KCNMA1: variants seen among roughly 807,000 people sequenced by gnomAD.
The protein encoded by KCNMA1 is Calcium-activated potassium channel subunit alpha-1.
Under a neutral mutation model 140.0 loss-of-function variants are expected in KCNMA1, and 29 were observed. The ratio of observed to expected loss-of-function variants is 0.21; its 90% CI spans 0.15 to 0.28. The LOEUF (loss-of-function observed/expected upper bound fraction) is 0.28, where lower values mean the gene tolerates loss of function less well. Ranked by LOEUF, KCNMA1 falls within the 10% of genes least tolerant of loss-of-function variation. The pLI is 1.00. For missense variants in KCNMA1, 880 were observed against 1,602.2 expected (o/e 0.55, Z 7.70); for synonymous variants, 612 against 611.9 (o/e 1.00, Z 0.00).
chr10:77,441,760 C>A (rs2097404910), intron 1 of KCNMA1, among the ~76,000 whole-genome samples: 1 of 152,170 alleles, frequency 6.6e-6, no homozygotes, highest in Non-Finnish European at 1.5e-5. Context: ...TAGATGGCCC[C>A]TTCTGATCCT....
chr10:76,929,776 G>A (rs1254969601), intron 23 of KCNMA1, among the ~76,000 whole-genome samples: 3 of 152,190 alleles, frequency 2.0e-5, no homozygotes. Context: ...CCCCAGGTGA[G>A]TGCAATGTGC....
At chr10:77,467,863 G>A (rs1406475724) in intron 1 of KCNMA1, among the ~76,000 whole-genome samples, 1 of 152,156 alleles carries the variant, frequency 6.6e-6, no homozygotes, top group East Asian at 1.9e-4. Context: ...AAAAAATATG[G>A]CATTGATCAT....
chr10:77,609,243 C>T (rs1377451112), intron 1 of KCNMA1, among the ~76,000 whole-genome samples: 1 of 152,218 alleles, frequency 6.6e-6, no homozygotes, highest in African/African-American at 2.4e-5. Flanking sequence ...TACATGTACA[C>T]AGTGGAACAC....
chr10:76,884,204 T>G (rs909403647), downstream of KCNMA1: 4 of 153,284 alleles, frequency 2.6e-5, no homozygotes, highest in Admixed American at 2.6e-4. Flanking sequence ...CAGGAAAGAT[T>G]TGGGTAATAC....
In KCNMA1 at chr10:77,594,165, G is replaced by A. The variant is rs973188846; in HGVS notation, c.378+43100C>T. On this transcript the variant is annotated intron_variant, in intron 1 of 27. Transcript: ENST00000286628. ...ACAATGGTCAAAGTCAAGGTGAGGG[G>A]GCAGCTCCCCCAGAGGTGCCAGGTT... Among the ~76,000 whole-genome samples the A allele has an allele frequency of 3.3e-5, 5 of 152,172 alleles. 1 individual carries two copies. The highest frequency in any genetic ancestry group is 1.2e-4 in the African/African-American group (5 of 41,422).
At chr10:77,464,500 C>G (rs1352912223) in intron 1 of KCNMA1, among the ~76,000 whole-genome samples, 1 of 152,078 alleles carries the variant, frequency 6.6e-6, no homozygotes, top group Non-Finnish European at 1.5e-5. Flanking sequence ...AATGGGGAAG[C>G]AGCGGGTCTG....
chr10:77,136,659 G>T (rs534266201), intron 5 of KCNMA1, among the ~76,000 whole-genome samples: 2 of 151,462 alleles, frequency 1.3e-5, no homozygotes, highest in South Asian at 4.2e-4. Flanking sequence ...AAAACTATAG[G>T]TATGTGTAAA....
At chr10:77,017,319 T>C (rs965064329) in intron 17 of KCNMA1, among the ~76,000 whole-genome samples, 2 of 152,196 alleles carry the variant, frequency 1.3e-5, no homozygotes, top group Admixed American at 6.5e-5. Flanking sequence ...TTTCAAGCTT[T>C]TGTGTCTCAC....
chr10:77,496,596 CAAAA>C (rs201304328), intron 1 of KCNMA1, among the ~76,000 whole-genome samples: 6 of 63,012 alleles, frequency 9.5e-5, no homozygotes, highest in Non-Finnish European at 1.8e-4. Flanking sequence ...GACACTGTCT[CAAAA>C]AAAAAAAAAA....
intron 1 of KCNMA1, among the ~76,000 whole-genome samples, chr10:77,610,234 C>T (rs1315014906): frequency 6.6e-6 from 1 of 152,204 alleles, no homozygotes; most frequent in Non-Finnish European, 1.5e-5. Flanking sequence ...TCTCATGGTG[C>T]CACTGTAAAT....
chr10:77,522,131 T>C (rs2053604306), intron 1 of KCNMA1, among the ~76,000 whole-genome samples: 1 of 151,844 alleles, frequency 6.6e-6, no homozygotes, highest in Admixed American at 6.6e-5. Flanking sequence ...GCCAAGATCA[T>C]GTCACTGCAC....
At chr10:77,340,811 T>C (rs1332527150) in intron 2 of KCNMA1, among the ~76,000 whole-genome samples, 1 of 151,336 alleles carries the variant, frequency 6.6e-6, no homozygotes, top group Non-Finnish European at 1.5e-5. Context: ...TGTATACATA[T>C]GTAACAAACC....
At chr10:77,006,211 C>A (rs1027992232) in intron 18 of KCNMA1, among the ~76,000 whole-genome samples, 1 of 152,102 alleles carries the variant, frequency 6.6e-6, no homozygotes, top group Non-Finnish European at 1.5e-5. Flanking sequence ...GACTGAGGGG[C>A]CCAGGTGGAG....
chr10:77,073,049 G>C, intron 14 of KCNMA1, 48 bp downstream of exon 14: 2 of 1,582,748 alleles, frequency 1.3e-6, no homozygotes, highest in Non-Finnish European at 1.7e-6. Flanking sequence ...TCAACCCCAC[G>C]ACAAATGGAA....
intron 2 of KCNMA1, among the ~76,000 whole-genome samples, chr10:77,261,384 T>C (rs915795730): frequency 2.0e-5 from 3 of 152,236 alleles, no homozygotes; most frequent in African/African-American, 7.2e-5. Context: ...TACAAGCCAA[T>C]TGCCCAATCT....
rs113468646 is a variant in KCNMA1 at position 77,215,866 on chromosome 10, TC to T, written c.603-30951del. On this transcript the variant is annotated intron_variant, in intron 3 of 27. Coordinates refer to ENST00000286628, the MANE Select transcript of KCNMA1 (RefSeq NM_001161352.2). ...TACCAGTGAGCAGTGAGCTTGCCCC[TC>T]CCCCCCACCTGTCTCTCTCTCTCTC... Among the ~76,000 whole-genome samples the T allele has an allele frequency of 1.1e-3, 162 of 145,316 alleles. 1 individual carries two copies. Among genetic ancestry groups the T allele is most frequent in the African/African-American group, 3.8e-3 (148 of 38,842 alleles).
intron 1 of KCNMA1, among the ~76,000 whole-genome samples, chr10:77,443,824 CAGAAA>C (rs1442597838): frequency 6.6e-6 from 1 of 152,068 alleles, no homozygotes; most frequent in Non-Finnish European, 1.5e-5. Flanking sequence ...ATATCTTCTG[CAGAAA>C]TAAGACCTAG....
At position 77,173,034 on chromosome 10, in the gene KCNMA1, T is replaced by C. The variant is rs545908754; in HGVS notation, c.808+10387A>G. 5.9e-5 allele frequency among the ~76,000 whole-genome samples: 9 copies of C among 152,246 alleles called. No homozygotes were observed. In the South Asian group the frequency reaches 1.9e-3, roughly 32 times the overall value. ...AGGCCCCATCTCCAACACGACGGCA[T>C]TGGGATTTCATTTCAACACATACAT... is the stretch of plus-strand genomic sequence containing the variant. On this transcript the variant is annotated intron_variant, in intron 5 of 27. Transcript: ENST00000286628.
At chr10:77,486,221 C>T (rs924166698) in intron 1 of KCNMA1, among the ~76,000 whole-genome samples, 1 of 152,200 alleles carries the variant, frequency 6.6e-6, no homozygotes, top group Non-Finnish European at 1.5e-5. Context: ...ATTAAGCACA[C>T]ACTGAAGTAT....
Sources: allele counts gnomAD v4.1 joint callset (sites outside exome capture counted in the v4.1 genomes callset), GRCh38; gene constraint gnomAD v4.1.1; transcripts MANE v1.5; gene names NCBI Gene and HGNC (gene_info 2026-07-23, HGNC 2026-07-21).